The following NRF1 variants were observed in gnomAD, a reference collection of about 807,000 sequenced individuals.
NRF1 encodes the protein alpha palindromic-binding protein.
In NRF1, 5 loss-of-function variants were observed where a neutral mutation model predicts 58.5. The observed-to-expected ratio is 0.09, with a 90% CI of 0.04 to 0.18. The LOEUF (loss-of-function observed/expected upper bound fraction) is 0.18, where lower values mean the gene tolerates loss of function less well. Among genes scored for constraint, NRF1 ranks in the 10% least tolerant of loss-of-function variants. The pLI is 1.00. For missense variants in NRF1, 288 were observed against 657.7 expected, an observed-to-expected ratio of 0.44 and a Z score of 6.15; for synonymous variants, 224 against 246.7, an observed-to-expected ratio of 0.91 and a Z score of 0.86.
intron 1 of NRF1, among the ~76,000 whole-genome samples, chr7:129,653,026 A>T (rs1488629674): frequency 1.3e-5 from 2 of 152,250 alleles, no homozygotes; most frequent in Non-Finnish European, 2.9e-5. Flanking sequence ...TGTTAAGTAC[A>T]TTCACACTGT....
At chr7:129,729,306 C>T (rs911060965) in intron 10 of NRF1, among the ~76,000 whole-genome samples, 15 of 152,290 alleles carry the variant, frequency 9.8e-5, no homozygotes, top group Non-Finnish European at 1.5e-4. Flanking sequence ...GAACCACACC[C>T]GCTACTATTG....
intron 2 of NRF1, among the ~76,000 whole-genome samples, chr7:129,658,193 T>C (rs898305214): frequency 6.6e-6 from 1 of 152,222 alleles, no homozygotes; most frequent in Non-Finnish European, 1.5e-5. Context: ...TTGTAGTGAT[T>C]GAAAATTTTG....
chr7:129,686,882 C>T (rs1209071414), intron 4 of NRF1, among the ~76,000 whole-genome samples: 1 of 152,196 alleles, frequency 6.6e-6, no homozygotes, highest in Non-Finnish European at 1.5e-5. Context: ...TCATCTGTGA[C>T]ACCATTGATT....
intron 10 of NRF1, among the ~76,000 whole-genome samples, chr7:129,737,749 TTAAA>T: frequency 6.6e-6 from 1 of 152,370 alleles, no homozygotes; most frequent in Non-Finnish European, 1.5e-5. Flanking sequence ...ATTTTAAAGT[TTAAA>T]TAAATGAATG....
intron 2 of NRF1, among the ~76,000 whole-genome samples, chr7:129,663,276 GC>G (rs1801829072): frequency 6.6e-6 from 1 of 150,738 alleles, no homozygotes. Context: ...TCTCTTCGGA[GC>G]TGTTGGGTAC....
At chr7:129,684,940 A>G (rs1486611785) in intron 4 of NRF1, among the ~76,000 whole-genome samples, 1 of 152,194 alleles carries the variant, frequency 6.6e-6, no homozygotes, top group African/African-American at 2.4e-5. Context: ...CAAAGGAGGC[A>G]GACACTGGGG....
At chr7:129,628,907 T>C (rs920194833) in intron 1 of NRF1, among the ~76,000 whole-genome samples, 1 of 152,186 alleles carries the variant, frequency 6.6e-6, no homozygotes, top group Non-Finnish European at 1.5e-5. Flanking sequence ...TTGGAAAATA[T>C]TAATTCATCA....
chr7:129,707,982 T>C (rs1329436778), intron 5 of NRF1, among the ~76,000 whole-genome samples: 1 of 152,234 alleles, frequency 6.6e-6, no homozygotes, highest in Non-Finnish European at 1.5e-5. Flanking sequence ...ACTCATTCTC[T>C]CATTAATACT....
chr7:129,648,481 G>C (rs529528280), intron 1 of NRF1, among the ~76,000 whole-genome samples: 2 of 151,728 alleles, frequency 1.3e-5, no homozygotes, highest in Admixed American at 1.3e-4. Flanking sequence ...GGGTTTCACC[G>C]TGTTAGCCAG....
chr7:129,637,651 ACT>A (rs1801196902), intron 1 of NRF1, among the ~76,000 whole-genome samples: 1 of 152,148 alleles, frequency 6.6e-6, no homozygotes, highest in South Asian at 2.1e-4. Context: ...ATGAGACCAC[ACT>A]CATTCTAGCA....
At chr7:129,723,136 G>A (rs751097468) in intron 9 of NRF1, among the ~76,000 whole-genome samples, 29 of 150,832 alleles carry the variant, frequency 1.9e-4, no homozygotes, top group Non-Finnish European at 3.4e-4. Context: ...TTTTTTCTCC[G>A]ACATAGGTAA....
intron 4 of NRF1, among the ~76,000 whole-genome samples, chr7:129,682,131 T>G (rs906011740): frequency 6.7e-6 from 1 of 149,994 alleles, no homozygotes. Context: ...AGCATGTAGA[T>G]CAAAAAGTTA....
At chr7:129,738,146 A>C (rs1803762660) in intron 10 of NRF1, among the ~76,000 whole-genome samples, 1 of 152,236 alleles carries the variant, frequency 6.6e-6, no homozygotes, top group South Asian at 2.1e-4. Context: ...CTGTAAGAAA[A>C]AGCAAATGAA....
intron 2 of NRF1, among the ~76,000 whole-genome samples, chr7:129,660,659 G>GGTCC (rs1801758664): frequency 6.6e-6 from 1 of 150,840 alleles, no homozygotes; most frequent in South Asian, 2.1e-4. Flanking sequence ...CAAGAGGTGG[G>GGTCC]GTCCCATGGT....
intron 4 of NRF1, among the ~76,000 whole-genome samples, chr7:129,685,440 TA>T (rs911979519): frequency 1.3e-5 from 2 of 152,102 alleles, no homozygotes; most frequent in African/African-American, 4.8e-5. Flanking sequence ...GCAAATACCC[TA>T]AACACCCTCC....
chr7:129,621,633 C>T (rs905686302), intron 1 of NRF1, among the ~76,000 whole-genome samples: 6 of 152,126 alleles, frequency 3.9e-5, no homozygotes, highest in African/African-American at 7.2e-5. Flanking sequence ...GAACTAGTCT[C>T]TTACCCCAAA....
At chr7:129,704,056 GT>G (rs371864945) in intron 5 of NRF1, among the ~76,000 whole-genome samples, 2 of 146,560 alleles carry the variant, frequency 1.4e-5, no homozygotes, top group African/African-American at 2.5e-5. Flanking sequence ...CCCACCCCCC[GT>G]TTTTTTTTAA....
chr7:129,647,631 C>T (rs1416462241), intron 1 of NRF1, among the ~76,000 whole-genome samples: 1 of 152,094 alleles, frequency 6.6e-6, no homozygotes, highest in African/African-American at 2.4e-5. Context: ...TCTGACCTCG[C>T]GATCCCCCAG....
intron 10 of NRF1, among the ~76,000 whole-genome samples, chr7:129,751,142 G>A (rs1237450207): frequency 6.6e-6 from 1 of 152,188 alleles, no homozygotes; most frequent in Non-Finnish European, 1.5e-5. Flanking sequence ...GGCTGGGGAG[G>A]AGCCCCCTCC....
Sources: allele counts gnomAD v4.1 joint callset (sites outside exome capture counted in the v4.1 genomes callset), GRCh38; gene constraint gnomAD v4.1.1; transcripts MANE v1.5; gene names NCBI Gene and HGNC (gene_info 2026-07-23, HGNC 2026-07-21).